Variants in RANBP3 observed in about 807,000 individuals in gnomAD.
The protein encoded by RANBP3 is RAN binding protein 3.
Under a neutral mutation model 77.3 loss-of-function variants are expected in RANBP3, and 14 were observed. The ratio of observed to expected loss-of-function variants is 0.18; its 90% CI spans 0.12 to 0.28. The LOEUF (loss-of-function observed/expected upper bound fraction) is 0.28, where lower values mean the gene tolerates loss of function less well. Ranked by LOEUF, RANBP3 falls within the 10% of genes least tolerant of loss-of-function variation. The pLI, the probability that RANBP3 is intolerant of heterozygous loss-of-function variation, is 1.00. For synonymous variants in RANBP3, 315 were observed against 312.4 expected, an observed-to-expected ratio of 1.01 and a Z score of -0.09; for missense variants, 586 against 752.3, an observed-to-expected ratio of 0.78 and a Z score of 2.59.
Position 5,921,064 on chromosome 19 carries a change from C to A in RANBP3, c.1330+137G>T. 2.6e-6 allele frequency: 3 copies of A among 1,176,382 alleles called. No individual in the cohort carries two copies. The highest frequency in any genetic ancestry group is 3.5e-6 in the Non-Finnish European group (3 of 869,272). 72.9% of individuals were successfully genotyped at this position (1,176,382 alleles called of 1,614,324 possible). On this transcript the variant is annotated intron_variant, in intron 14 of 16. Transcript: ENST00000340578. The surrounding 1 kb of genome is among the most constrained non-coding windows in gnomAD (Gnocchi z 5.3). ...GGGAGGGGGTTTGGGGGGCGGCTCT[C>A]ATGGGAGACCGACTCTGTGCCTTGA...
chr19:5,968,074 G>A (rs2058489502), intron 1 of RANBP3, among the ~76,000 whole-genome samples: 1 of 152,198 alleles, frequency 6.6e-6, no homozygotes, highest in African/African-American at 2.4e-5. Context: ...GGAGGATCCA[G>A]CTTTAACGGC....
rs1240337957 is a variant in RANBP3, at chr19:5,962,103, AACAGCCTATCACCCAGCGTAC to A, written c.23-4151_23-4131del. On this transcript the variant is annotated intron_variant, in intron 1 of 16. Transcript: ENST00000340578. The stretch of plus-strand genomic sequence containing the variant: ...CGGAGACCACGGCCACAGCAGCTGA[AACAGCCTATCACCCAGCGTAC>A]ACCGCATCAACACCCTGCAATGAGT... Among the ~76,000 whole-genome samples, 4 of 151,890 alleles carry A rather than the reference AACAGCCTATCACCCAGCGTAC, an allele frequency of 2.6e-5. No homozygotes were observed. In the East Asian group the frequency reaches 7.7e-4, roughly 29 times the overall value.
chr19:5,917,709 C>T (rs1568441895), intron 16 of RANBP3, 56 bp from the exon 17 acceptor site: 2 of 1,587,446 alleles, frequency 1.3e-6, no homozygotes. Flanking sequence ...CCAGGTCTGG[C>T]CACCCCCGCC....
At chr19:5,927,906 G>C in intron 9 of RANBP3, 62 bp downstream of exon 9, 1 of 1,550,304 alleles carries the variant, frequency 6.5e-7, no homozygotes, top group East Asian at 2.3e-5. Context: ...CTACCTACTT[G>C]CCTGCTGTTG....
chr19:5,943,992 G>A (rs527424670), intron 3 of RANBP3, among the ~76,000 whole-genome samples: 6 of 152,296 alleles, frequency 3.9e-5, no homozygotes, highest in South Asian at 2.1e-4. Flanking sequence ...AGTGTATTCC[G>A]GCTCTGCCAT....
chr19:5,944,109 C>T (rs986130870), intron 3 of RANBP3, among the ~76,000 whole-genome samples: 2 of 152,216 alleles, frequency 1.3e-5, no homozygotes, highest in African/African-American at 4.8e-5. Context: ...GCCCAGTGCC[C>T]TGCACGCTGG....
intron 1 of RANBP3, among the ~76,000 whole-genome samples, chr19:5,961,797 A>G (rs1336276546): frequency 6.6e-6 from 1 of 152,064 alleles, no homozygotes; most frequent in African/African-American, 2.4e-5. Flanking sequence ...CTAGAGGCTG[A>G]GCACCTTGAG....
At chr19:5,942,567 G>A (rs576351670) in intron 3 of RANBP3, among the ~76,000 whole-genome samples, 89 of 152,190 alleles carry the variant, frequency 5.8e-4, no homozygotes, top group Middle Eastern at 3.4e-3. Flanking sequence ...GTAGCTGGGC[G>A]TGGTGGTGCA....
intron 1 of RANBP3, among the ~76,000 whole-genome samples, chr19:5,962,078 C>T (rs1049622915): frequency 1.3e-5 from 2 of 152,076 alleles, no homozygotes; most frequent in African/African-American, 2.4e-5. Flanking sequence ...ACGGGGCACG[C>T]GGAGACCACG....
chr19:5,931,556 A>G (rs2057991934), intron 7 of RANBP3, 25 bp from the exon 8 acceptor site: 1 of 1,592,186 alleles, frequency 6.3e-7, no homozygotes, highest in East Asian at 2.3e-5. Flanking sequence ...GAGAGTGGGG[A>G]ATCACAGGTG....
chr19:5,955,106 T>C (rs1471430989), intron 2 of RANBP3, among the ~76,000 whole-genome samples: 2 of 152,260 alleles, frequency 1.3e-5, no homozygotes, highest in Admixed American at 6.5e-5. Flanking sequence ...TGATAAGAAC[T>C]ATACTTGGCA....
chr19:5,977,418 A>T (rs1055337983), intron 1 of RANBP3, among the ~76,000 whole-genome samples: 1 of 152,170 alleles, frequency 6.6e-6, no homozygotes, highest in Non-Finnish European at 1.5e-5. Flanking sequence ...GCCAAAGAGC[A>T]GCCAGGGTTT....
At chr19:5,934,791 T>C (rs1276116141) in intron 5 of RANBP3, among the ~76,000 whole-genome samples, 1 of 152,188 alleles carries the variant, frequency 6.6e-6, no homozygotes, top group African/African-American at 2.4e-5. Flanking sequence ...GTTACGACTG[T>C]ACCACTGCAC....
chr19:5,927,956 C>G lies in RANBP3; in HGVS notation c.813+12G>C. On this transcript the variant is annotated intron_variant, in intron 9 of 16. Transcript: ENST00000340578. ...ATAAAAAGTCAATGTGCTGGTTCAACAGCTCACATACCTTAACTCTGTCCC... is the reference window on the plus strand; with the variant it reads ...ATAAAAAGTCAATGTGCTGGTTCAAGAGCTCACATACCTTAACTCTGTCCC... The G allele has an allele frequency of 6.3e-7, 1 of 1,596,862 alleles. No homozygotes were observed. The highest frequency in any genetic ancestry group is 8.5e-7 in the Non-Finnish European group (1 of 1,173,664).
At chr19:5,973,569 T>C (rs980975940) in intron 1 of RANBP3, among the ~76,000 whole-genome samples, 2 of 152,158 alleles carry the variant, frequency 1.3e-5, no homozygotes, top group Non-Finnish European at 2.9e-5. Flanking sequence ...ATCCCTGAGA[T>C]CACTAAGTGA....
At chr19:5,932,625 C>A in intron 6 of RANBP3, 81 bp from the exon 7 acceptor site, 1 of 1,075,254 alleles carries the variant, frequency 9.3e-7, no homozygotes, top group Non-Finnish European at 1.4e-6. Flanking sequence ...CCCTGGCATC[C>A]CATTTCATGC....
At chr19:5,923,067 G>C in intron 13 of RANBP3, 127 bp downstream of exon 13, 1 of 721,444 alleles carries the variant, frequency 1.4e-6, no homozygotes, top group East Asian at 2.6e-5. Context: ...CAGAGCGTGG[G>C]GCCAGTGGCC....
Position 5,924,193 on chromosome 19 carries a change from G to A in RANBP3, c.997-279C>T, listed in dbSNP as rs1208651280. 2.6e-5 allele frequency among the ~76,000 whole-genome samples: 4 copies of A among 152,212 alleles called. No homozygotes were observed. Among genetic ancestry groups the A allele is most frequent in the Admixed American group, 6.5e-5 (1 of 15,284 alleles). On this transcript the variant is annotated intron_variant, in intron 11 of 16. Coordinates refer to ENST00000340578, the MANE Select transcript of RANBP3 (RefSeq NM_007322.3). The surrounding 1 kb of genome is among the most constrained non-coding windows in gnomAD (Gnocchi z 4.7). Reference sequence around the variant, plus strand: ...TTCATTGAAATAGAAAAAGCACAGCGTGGCCACGAAGGAAGAGAAGCTGCA... The same window carrying A: ...TTCATTGAAATAGAAAAAGCACAGCATGGCCACGAAGGAAGAGAAGCTGCA...
Position 5,955,800 on chromosome 19 carries a change from C to T in RANBP3, c.78+2118G>A, listed in dbSNP as rs1047461795. Among the ~76,000 whole-genome samples the T allele has an allele frequency of 5.9e-5, 9 of 152,172 alleles. No individual in the cohort carries two copies. In the South Asian group the frequency reaches 1.0e-3, roughly 17 times the overall value. On this transcript the variant is annotated intron_variant, in intron 2 of 16. Coordinates refer to ENST00000340578, the MANE Select transcript of RANBP3 (RefSeq NM_007322.3). ...TACTGCTGTAGCAGCCACAGGCAAC[C>T]GCAAAGGGGATAGTTGTGGCTCTGT...
Sources: allele counts gnomAD v4.1 joint callset (sites outside exome capture counted in the v4.1 genomes callset), GRCh38; gene constraint gnomAD v4.1.1; non-coding constraint Gnocchi (gnomAD v3.1); transcripts MANE v1.5; gene names NCBI Gene and HGNC (gene_info 2026-07-23, HGNC 2026-07-21).